KANK1: variants seen among roughly 807,000 people sequenced by gnomAD.
The protein encoded by KANK1 is KN motif and ankyrin repeat domains 1.
KANK1 carries 109 observed loss-of-function variants against 106.2 expected under a neutral mutation model. The observed-to-expected ratio is 1.03, with a 90% CI of 0.88 to 1.20. The LOEUF (loss-of-function observed/expected upper bound fraction) is 1.20. KANK1 is among the 50% of genes most tolerant of loss of function. The probability of loss-of-function intolerance (pLI) is 0.00; values close to 1 mark genes in which losing one functional copy is unlikely to be tolerated. For synonymous variants in KANK1, 873 were observed against 652.2 expected, an observed-to-expected ratio of 1.34 and a Z score of -5.16; for missense variants, 2,399 against 1,710.7, an observed-to-expected ratio of 1.40 and a Z score of -7.10.
In KANK1 at chr9:578,985, C is replaced by T. The variant is rs1223525553; in HGVS notation, c.-84+74231C>T. Among the ~76,000 whole-genome samples, 6 of 152,112 alleles carry T rather than the reference C, an allele frequency of 3.9e-5. No homozygotes were observed. In the East Asian group the frequency reaches 1.2e-3, roughly 29 times the overall value. On this transcript the variant is annotated intron_variant, in intron 1 of 11. Coordinates refer to ENST00000382297, the MANE Select transcript of KANK1 (RefSeq NM_015158.5). ...ATCTTGACTTAATAAATGTCTGCAG[C>T]TGAAAATAGGAAAAATTGACTATAT...
intron 1 of KANK1, among the ~76,000 whole-genome samples, chr9:603,624 T>C (rs1341862205): frequency 6.6e-6 from 1 of 151,786 alleles, no homozygotes; most frequent in African/African-American, 2.4e-5. Flanking sequence ...ACTTAGATTC[T>C]ATCATTAATT....
intron 1 of KANK1, among the ~76,000 whole-genome samples, chr9:675,375 G>A (rs904631337): frequency 6.6e-6 from 1 of 152,086 alleles, no homozygotes; most frequent in Non-Finnish European, 1.5e-5. Flanking sequence ...AACTTCTTCT[G>A]ATTTCATGGG....
chr9:521,565 C>CTTTTTTTT (rs35143391), intron 1 of KANK1, among the ~76,000 whole-genome samples: 1 of 118,802 alleles, frequency 8.4e-6, no homozygotes, highest in Non-Finnish European at 1.7e-5. Context: ...CCTCCAGATT[C>CTTTTTTTT]TTTTTTTTTT....
chr9:696,116 C>T (rs906638499), intron 2 of KANK1, among the ~76,000 whole-genome samples: 10 of 152,104 alleles, frequency 6.6e-5, no homozygotes, highest in Non-Finnish European at 1.5e-4. Context: ...AACGCCGTCT[C>T]TACTAAAAAT....
intron 1 of KANK1, among the ~76,000 whole-genome samples, chr9:676,505 G>A (rs1289219597): frequency 6.6e-6 from 1 of 152,138 alleles, no homozygotes; most frequent in East Asian, 1.9e-4. Flanking sequence ...AATTGCAGTT[G>A]AATAAATGAA....
At chr9:548,575 A>T (rs1343243737) in intron 1 of KANK1, among the ~76,000 whole-genome samples, 1 of 152,192 alleles carries the variant, frequency 6.6e-6, no homozygotes, top group Non-Finnish European at 1.5e-5. Context: ...GACTTCTGTG[A>T]AAAAATTCCA....
intron 3 of KANK1, among the ~76,000 whole-genome samples, chr9:480,806 C>G (rs947533665): frequency 1.3e-5 from 2 of 152,186 alleles, no homozygotes; most frequent in African/African-American, 4.8e-5. Flanking sequence ...GGGTGACACT[C>G]AAATTCCTTA....
chr9:523,004 C>G (rs1473118446), intron 1 of KANK1, among the ~76,000 whole-genome samples: 1 of 151,834 alleles, frequency 6.6e-6, no homozygotes, highest in East Asian at 1.9e-4. Context: ...TGTAAGGTCT[C>G]AGTTCTTGAT....
intron 1 of KANK1, among the ~76,000 whole-genome samples, chr9:515,421 C>G (rs1480206689): frequency 2.1e-5 from 3 of 141,738 alleles, no homozygotes. Flanking sequence ...ACCACTCTAG[C>G]TTTTCTGTTT....
chr9:621,983 G>T (rs1833244214), intron 1 of KANK1, among the ~76,000 whole-genome samples: 1 of 152,114 alleles, frequency 6.6e-6, no homozygotes, highest in South Asian at 2.1e-4. Flanking sequence ...GAGAAGAAAA[G>T]ATACTAAGTT....
chr9:565,283 T>G (rs1335583971), intron 1 of KANK1, among the ~76,000 whole-genome samples: 3 of 152,190 alleles, frequency 2.0e-5, no homozygotes, highest in Non-Finnish European at 4.4e-5. Context: ...TCTTTAAGAC[T>G]TAAGCCATAG....
At chr9:647,309 A>T (rs1316597929) in intron 1 of KANK1, among the ~76,000 whole-genome samples, 1 of 150,970 alleles carries the variant, frequency 6.6e-6, no homozygotes, top group African/African-American at 2.5e-5. Flanking sequence ...TGGGTAAGAT[A>T]TGTCATTATT....
intron 2 of KANK1, among the ~76,000 whole-genome samples, chr9:690,133 C>CAAAAAAAAAAA (rs57837964): frequency 2.6e-4 from 16 of 61,638 alleles, no homozygotes; most frequent in African/African-American, 6.8e-4. Context: ...TCTAAAAATA[C>CAAAAAAAAAAA]AAAAAAAAAA....
At chr9:684,662 C>T (rs1216073950) in intron 2 of KANK1, 2 of 792,086 alleles carry the variant, frequency 2.5e-6, no homozygotes, top group Non-Finnish European at 3.1e-6. Context: ...AAAGGTATAG[C>T]TCATTTGCTT....
intron 1 of KANK1, among the ~76,000 whole-genome samples, chr9:605,320 ATC>A (rs1828827535): frequency 6.9e-6 from 1 of 145,184 alleles, no homozygotes; most frequent in Non-Finnish European, 1.5e-5. Context: ...AAAAAAAAAA[ATC>A]TAATACTAGC....
intron 1 of KANK1, among the ~76,000 whole-genome samples, chr9:544,264 A>AC (rs931020828): frequency 4.0e-5 from 6 of 151,398 alleles, no homozygotes; most frequent in Non-Finnish European, 7.4e-5. Context: ...CAAGCAAGCC[A>AC]CCCCCCACTT....
intron 1 of KANK1, among the ~76,000 whole-genome samples, chr9:646,896 C>G (rs1839793775): frequency 6.6e-6 from 1 of 150,554 alleles, no homozygotes; most frequent in Non-Finnish European, 1.5e-5. Flanking sequence ...CAGGGTTTCA[C>G]CATGTTGGCC....
intron 1 of KANK1, among the ~76,000 whole-genome samples, chr9:578,202 A>G (rs1434213240): frequency 5.3e-5 from 8 of 152,356 alleles, no homozygotes; most frequent in Admixed American, 4.6e-4. Context: ...ATAAATCAGT[A>G]AAAGCATTCA....
At chr9:539,137 T>A (rs1462629084) in intron 1 of KANK1, among the ~76,000 whole-genome samples, 2 of 152,188 alleles carry the variant, frequency 1.3e-5, no homozygotes, top group East Asian at 3.8e-4. Context: ...TGCCTCGGCC[T>A]CCCTAAGTGC....
Sources: gnomAD v4.1 joint callset for allele counts (sites outside exome capture counted in the v4.1 genomes callset) on GRCh38, gnomAD v4.1.1 for gene constraint, MANE v1.5 for transcripts, NCBI Gene and HGNC (gene_info 2026-07-23, HGNC 2026-07-21) for gene names.